FAM184A: variants seen among roughly 807,000 people sequenced by gnomAD.
The protein encoded by FAM184A is family with sequence similarity 184 member A.
Under a neutral mutation model 143.8 loss-of-function variants are expected in FAM184A, and 99 were observed. The ratio of observed to expected loss-of-function variants is 0.69; its 90% CI spans 0.58 to 0.81. The LOEUF is 0.81. FAM184A is among the 40% of genes least tolerant of loss of function. FAM184A has a pLI of 0.00. For missense variants in FAM184A, 1,217 were observed against 1,310.5 expected (o/e 0.93, Z 1.10); for synonymous variants, 427 against 446.4 (o/e 0.96, Z 0.55).
chr6:119,144,285 G>A (rs1297417360), intron 1 of FAM184A, among the ~76,000 whole-genome samples: 1 of 147,568 alleles, frequency 6.8e-6, no homozygotes, highest in Non-Finnish European at 1.5e-5. Flanking sequence ...AGTGAGCTGA[G>A]ATAGTGCCAC....
At chr6:119,064,994 A>G (rs1393027364) in intron 1 of FAM184A, among the ~76,000 whole-genome samples, 2 of 152,208 alleles carry the variant, frequency 1.3e-5, no homozygotes, top group African/African-American at 4.8e-5. Context: ...ACCTAGATGT[A>G]CATGGCCAAC....
chr6:119,148,095 G>T (rs1772514034), intron 1 of FAM184A, among the ~76,000 whole-genome samples: 1 of 152,028 alleles, frequency 6.6e-6, no homozygotes, highest in Admixed American at 6.5e-5. Context: ...ACCCACCCTA[G>T]TTCCCTGCCT....
At position 119,006,622 on chromosome 6, in the gene FAM184A, G is replaced by C. The variant is rs759338192; in HGVS notation, c.1654-14C>G. 14 of 1,590,546 alleles carry C rather than the reference G, an allele frequency of 8.8e-6. No individual in the cohort carries two copies. Among genetic ancestry groups the C allele is most frequent in the Middle Eastern group, 3.4e-4 (2 of 5,970 alleles). On this transcript the variant is annotated splice_polypyrimidine_tract_variant and intron_variant, in intron 6 of 17. Transcript: ENST00000338891. ...GAGGTGGCCAATCTGTAAGTAAATA[G>C]AGTACTTTTAATATATTTCATTGTA...
chr6:119,145,952 C>T (rs141986825), intron 1 of FAM184A, among the ~76,000 whole-genome samples: 1 of 152,202 alleles, frequency 6.6e-6, no homozygotes, highest in Non-Finnish European at 1.5e-5. Flanking sequence ...GAAGTTGAAC[C>T]GAGGCAATCT....
intron 1 of FAM184A, among the ~76,000 whole-genome samples, chr6:119,139,647 TAA>T (rs34268474): frequency 2.2e-4 from 32 of 142,592 alleles, no homozygotes; most frequent in African/African-American, 7.6e-4. Context: ...ATATTTAAAG[TAA>T]AAAAAAAAAA....
At position 119,126,834 on chromosome 6, in the gene FAM184A, T is replaced by C. The variant is rs1333497597; in HGVS notation, c.-202+22244A>G. Among the ~76,000 whole-genome samples the C allele has an allele frequency of 4.6e-5, 7 of 152,248 alleles. No individual in the cohort carries two copies. In the South Asian group the frequency reaches 1.2e-3, roughly 27 times the overall value. ...TGGGGGATTTTATTGCCAATGGAAG[T>C]GGCTCTCAGCAGGAAGGGGAGCTGG... On this transcript the variant is annotated intron_variant, in intron 1 of 16. Transcript: ENST00000352896.
intron 1 of FAM184A, among the ~76,000 whole-genome samples, chr6:119,131,654 T>C (rs1582642706): frequency 6.6e-6 from 1 of 152,174 alleles, no homozygotes; most frequent in East Asian, 1.9e-4. Context: ...CTAGACTAAT[T>C]TAAAAAATTT....
intron 1 of FAM184A, among the ~76,000 whole-genome samples, chr6:119,131,304 A>G (rs1056943772): frequency 2.0e-5 from 3 of 151,616 alleles, no homozygotes; most frequent in African/African-American, 7.3e-5. Context: ...GATTAATTAA[A>G]TAAAACAATA....
chr6:119,134,899 G>T (rs1347554004), intron 1 of FAM184A, among the ~76,000 whole-genome samples: 2 of 152,096 alleles, frequency 1.3e-5, no homozygotes, highest in Non-Finnish European at 2.9e-5. Context: ...TCCCCTGCTT[G>T]TGGGAATATA....
At chr6:118,981,158 A>G (rs1784008265) in intron 9 of FAM184A, among the ~76,000 whole-genome samples, 1 of 152,138 alleles carries the variant, frequency 6.6e-6, no homozygotes, top group African/African-American at 2.4e-5. Flanking sequence ...ATGTCTTAAT[A>G]TACTTAAAAT....
At chr6:118,990,974 A>G (rs1357012032) in intron 9 of FAM184A, among the ~76,000 whole-genome samples, 3 of 152,024 alleles carry the variant, frequency 2.0e-5, no homozygotes, top group Non-Finnish European at 4.4e-5. Flanking sequence ...GAGTTGAGTA[A>G]GATGTATCAA....
chr6:119,047,867 A>T (rs539484689), intron 1 of FAM184A, among the ~76,000 whole-genome samples: 51 of 152,324 alleles, frequency 3.3e-4, no homozygotes, highest in African/African-American at 1.2e-3. Flanking sequence ...CTCCTCCCCA[A>T]CACATTCTAT....
chr6:119,017,014 AC>A, intron 4 of FAM184A, 70 bp from the exon 5 acceptor site: 1 of 1,013,934 alleles, frequency 9.9e-7, no homozygotes. Flanking sequence ...TAATTTGAAT[AC>A]CCTATAAATA....
At chr6:118,988,752 G>T (rs925574350) in intron 9 of FAM184A, among the ~76,000 whole-genome samples, 6 of 152,020 alleles carry the variant, frequency 3.9e-5, no homozygotes, top group African/African-American at 1.4e-4. Flanking sequence ...TCATTTTTCA[G>T]AAGTTCATTG....
chr6:119,086,826 A>G (rs1788235848), intron 1 of FAM184A, among the ~76,000 whole-genome samples: 1 of 152,218 alleles, frequency 6.6e-6, no homozygotes, highest in Admixed American at 6.5e-5. Context: ...TCTATAAACA[A>G]GGAGACTAGT....
In FAM184A at chr6:119,078,392, C is replaced by G; in HGVS notation, c.-93G>C. 7.9e-7 allele frequency: 1 copy of G among 1,269,266 alleles called. No homozygotes were observed. The highest frequency in any genetic ancestry group is 1.0e-6 in the Non-Finnish European group (1 of 979,622). 78.6% of individuals were successfully genotyped at this position (1,269,266 alleles called of 1,614,324 possible). A position where few individuals can be genotyped will look rare whatever the true frequency, so the allele number is the denominator to read the frequency against. On this transcript the variant is annotated 5_prime_UTR_variant, in exon 1 of 18. Transcript: ENST00000338891. The surrounding 1 kb of genome is among the most constrained non-coding windows in gnomAD (Gnocchi z 5.5). Reference sequence around the variant, plus strand: ...CCCGGGAGGCAAGAGTCGCGGCGGCCGCTTCCCGACCCGACACCCGGCGCC... The same window carrying G: ...CCCGGGAGGCAAGAGTCGCGGCGGCGGCTTCCCGACCCGACACCCGGCGCC...
intron 16 of FAM184A, chr6:118,962,948 A>C (rs1241980667): frequency 6.6e-6 from 1 of 152,106 alleles, no homozygotes; most frequent in African/African-American, 2.4e-5. Context: ...AATGCAATTA[A>C]TATACAAGAT....
At chr6:119,073,916 A>G (rs1248976734) in intron 1 of FAM184A, among the ~76,000 whole-genome samples, 1 of 152,210 alleles carries the variant, frequency 6.6e-6, no homozygotes, top group African/African-American at 2.4e-5. Context: ...GTGGGATCAC[A>G]CAAGTCCATG....
At chr6:119,105,363 G>C (rs928831888) in intron 1 of FAM184A, among the ~76,000 whole-genome samples, 1 of 152,138 alleles carries the variant, frequency 6.6e-6, no homozygotes, top group Non-Finnish European at 1.5e-5. Flanking sequence ...CCCCTCTGCT[G>C]TTCTCGGGAT....
Sources: allele counts gnomAD v4.1 joint callset (sites outside exome capture counted in the v4.1 genomes callset), GRCh38; gene constraint gnomAD v4.1.1; non-coding constraint Gnocchi (gnomAD v3.1); transcripts MANE v1.5; gene names NCBI Gene and HGNC (gene_info 2026-07-23, HGNC 2026-07-21).